The following CTNNBIP1 variants were observed in gnomAD, a reference collection of about 807,000 sequenced individuals.
CTNNBIP1 encodes beta-catenin-interacting protein 1.
CTNNBIP1 carries 7 observed loss-of-function variants against 11.8 expected under a neutral mutation model. The observed-to-expected ratio is 0.60, with a 90% CI of 0.34 to 1.12. The LOEUF (loss-of-function observed/expected upper bound fraction) is 1.12, where lower values mean the gene tolerates loss of function less well. CTNNBIP1 is among the 50% of genes most tolerant of loss of function. CTNNBIP1 has a pLI of 0.03. For synonymous variants in CTNNBIP1, 58 were observed against 43.9 expected, an observed-to-expected ratio of 1.32 and a Z score of -1.26; for missense variants, 101 against 113.4, an observed-to-expected ratio of 0.89 and a Z score of 0.50.
At chr1:9,886,150 C>A (rs1639183841) in intron 1 of CTNNBIP1, among the ~76,000 whole-genome samples, 2 of 152,064 alleles carry the variant, frequency 1.3e-5, no homozygotes, top group South Asian at 4.1e-4. Flanking sequence ...CTCCCAGCTG[C>A]CCGTCAGTCC....
At chr1:9,894,886 G>T (rs72858049) in intron 1 of CTNNBIP1, among the ~76,000 whole-genome samples, 4,961 of 148,098 alleles carry the variant, frequency 0.033, 264 homozygotes, top group African/African-American at 0.12. Context: ...GATCACAAGT[G>T]TGACTGCCAT....
chr1:9,887,169 C>T (rs77938439), intron 1 of CTNNBIP1, among the ~76,000 whole-genome samples: 5,316 of 152,326 alleles, frequency 0.035, 295 homozygotes, highest in African/African-American at 0.12. Context: ...AGAATAATTA[C>T]TGTTGTCACC....
At chr1:9,895,052 C>T (rs964297984) in intron 1 of CTNNBIP1, among the ~76,000 whole-genome samples, 1 of 152,024 alleles carries the variant, frequency 6.6e-6, no homozygotes, top group Non-Finnish European at 1.5e-5. Context: ...GGACTACAGA[C>T]GCCCACCACC....
At chr1:9,868,673 G>C (rs1262524509) in intron 5 of CTNNBIP1, among the ~76,000 whole-genome samples, 1 of 152,164 alleles carries the variant, frequency 6.6e-6, no homozygotes, top group African/African-American at 2.4e-5. Flanking sequence ...TGTTGCCCAG[G>C]CTGGAGTAAA....
At chr1:9,891,998 G>A (rs1476592903) in intron 1 of CTNNBIP1, among the ~76,000 whole-genome samples, 2 of 151,972 alleles carry the variant, frequency 1.3e-5, no homozygotes, top group Non-Finnish European at 2.9e-5. Context: ...TAGGGACAGG[G>A]TTTTGCCATG....
intron 1 of CTNNBIP1, among the ~76,000 whole-genome samples, chr1:9,885,477 C>T (rs2101515164): frequency 6.6e-6 from 1 of 152,182 alleles, no homozygotes; most frequent in African/African-American, 2.4e-5. Context: ...GACTCCGTCT[C>T]TACAAAAAAT....
At chr1:9,875,777 C>T (rs1638954874) in intron 3 of CTNNBIP1, among the ~76,000 whole-genome samples, 1 of 152,212 alleles carries the variant, frequency 6.6e-6, no homozygotes, top group African/African-American at 2.4e-5. Flanking sequence ...AGCAGAAATG[C>T]AGCCAGGAGC....
chr1:9,905,870 C>A (rs565158011), intron 1 of CTNNBIP1, among the ~76,000 whole-genome samples: 31 of 152,306 alleles, frequency 2.0e-4, no homozygotes, highest in African/African-American at 5.5e-4. Flanking sequence ...GTGCCTAGCA[C>A]ATAGGTGCTC....
chr1:9,872,305 T>C lies in CTNNBIP1; in HGVS notation c.-24-217A>G, dbSNP rs1269814933. ...AGCAGCTCTGTTCTCCAGCAGGCGC[T>C]GCAAGGGCTGGCCTGCCTGCTGCCT... is the stretch of plus-strand genomic sequence containing the variant. On this transcript the variant is annotated intron_variant, in intron 3 of 5. Coordinates refer to ENST00000377263, the MANE Select transcript of CTNNBIP1 (RefSeq NM_020248.3). The surrounding 1 kb of genome is among the most constrained non-coding windows in gnomAD (Gnocchi z 4.0). Among the ~76,000 whole-genome samples the C allele has an allele frequency of 6.6e-6, 1 of 152,170 alleles. No individual in the cohort carries two copies. The highest frequency in any genetic ancestry group is 2.4e-5 in the African/African-American group (1 of 41,448).
intron 1 of CTNNBIP1, among the ~76,000 whole-genome samples, chr1:9,909,320 C>T (rs1358799593): frequency 6.6e-6 from 1 of 152,198 alleles, no homozygotes; most frequent in African/African-American, 2.4e-5. Flanking sequence ...AGCCACACGT[C>T]TCATTATTCA....
chr1:9,886,886 C>T (rs1639199704), intron 1 of CTNNBIP1, among the ~76,000 whole-genome samples: 1 of 152,186 alleles, frequency 6.6e-6, no homozygotes, highest in Non-Finnish European at 1.5e-5. Flanking sequence ...CAACAACCTC[C>T]CAGACTCTCA....
chr1:9,856,231 G>A (rs1004789477), intron 5 of CTNNBIP1, among the ~76,000 whole-genome samples: 1 of 150,876 alleles, frequency 6.6e-6, no homozygotes. Flanking sequence ...GGCTGGTCTT[G>A]AACTCCTGGG....
intron 1 of CTNNBIP1, among the ~76,000 whole-genome samples, chr1:9,899,691 G>A (rs1053516664): frequency 7.9e-5 from 12 of 150,976 alleles, no homozygotes; most frequent in Admixed American, 3.3e-4. Context: ...CCCGGGAGGC[G>A]GAGGTTGCAG....
chr1:9,867,219 T>A lies in CTNNBIP1; in HGVS notation c.187+3968A>T, dbSNP rs1280601181. On this transcript the variant is annotated intron_variant, in intron 5 of 5. Coordinates refer to ENST00000377263, the MANE Select transcript of CTNNBIP1 (RefSeq NM_020248.3). The surrounding 1 kb of genome is among the most constrained non-coding windows in gnomAD (Gnocchi z 4.6). ...ACAAGGGAGGGAAAGGAGGCTGTCA[T>A]TGGTGGTCTCAGCCCAGCAGAGGCC... Among the ~76,000 whole-genome samples the A allele has an allele frequency of 1.3e-5, 2 of 152,106 alleles. No homozygotes were observed. The highest frequency in any genetic ancestry group is 2.9e-5 in the Non-Finnish European group (2 of 67,992).
At chr1:9,890,095 C>G (rs1639271190) in intron 1 of CTNNBIP1, among the ~76,000 whole-genome samples, 1 of 152,212 alleles carries the variant, frequency 6.6e-6, no homozygotes, top group Non-Finnish European at 1.5e-5. Flanking sequence ...TTTACATCTT[C>G]TGGTTTAAAA....
intron 3 of CTNNBIP1, among the ~76,000 whole-genome samples, chr1:9,873,939 A>G (rs1042785418): frequency 5.9e-5 from 9 of 151,998 alleles, no homozygotes; most frequent in African/African-American, 2.2e-4. Flanking sequence ...GGGTCTTGCT[A>G]TGTTGCCCAG....
chr1:9,877,659 G>A (rs1638999400), intron 3 of CTNNBIP1, among the ~76,000 whole-genome samples: 1 of 152,212 alleles, frequency 6.6e-6, no homozygotes, highest in Non-Finnish European at 1.5e-5. Flanking sequence ...GGTTCCTAGA[G>A]CTTATATGAA....
At position 9,867,477 on chromosome 1, in the gene CTNNBIP1, G is replaced by T. The variant is rs906665554; in HGVS notation, c.187+3710C>A. On this transcript the variant is annotated intron_variant, in intron 5 of 5. Coordinates refer to ENST00000377263, the MANE Select transcript of CTNNBIP1 (RefSeq NM_020248.3). The surrounding 1 kb of genome is among the most constrained non-coding windows in gnomAD (Gnocchi z 4.6). Reference sequence around the variant, plus strand: ...CCAGGTACCAGACCCATCCAGCCCTGGAGGGGAAGCATGTGCAGGGCTAAA... The same window carrying T: ...CCAGGTACCAGACCCATCCAGCCCTTGAGGGGAAGCATGTGCAGGGCTAAA... 2.0e-5 allele frequency among the ~76,000 whole-genome samples: 3 copies of T among 152,336 alleles called. No individual in the cohort carries two copies. The highest frequency in any genetic ancestry group is 2.9e-5 in the Non-Finnish European group (2 of 68,012).
At chr1:9,862,957 A>G (rs1266844265) in intron 5 of CTNNBIP1, among the ~76,000 whole-genome samples, 1 of 152,164 alleles carries the variant, frequency 6.6e-6, no homozygotes, top group Non-Finnish European at 1.5e-5. Flanking sequence ...CCAGGGCTTG[A>G]GGGGGGAAGT....
Sources: allele counts gnomAD v4.1 joint callset (sites outside exome capture counted in the v4.1 genomes callset), GRCh38; gene constraint gnomAD v4.1.1; non-coding constraint Gnocchi (gnomAD v3.1); transcripts MANE v1.5; gene names NCBI Gene and HGNC (gene_info 2026-07-23, HGNC 2026-07-21).